NOL10: variants seen among roughly 807,000 people sequenced by gnomAD.
NOL10 encodes H_NH0074G24.1.
In NOL10, 58 loss-of-function variants were observed where a neutral mutation model predicts 103.5. The ratio of observed to expected loss-of-function variants is 0.56; its 90% CI spans 0.45 to 0.70. The LOEUF (loss-of-function observed/expected upper bound fraction) is 0.70. Ranked by LOEUF, NOL10 falls within the 30% of genes least tolerant of loss-of-function variation. The probability of loss-of-function intolerance (pLI) is 0.00; values close to 1 mark genes in which losing one functional copy is unlikely to be tolerated. For missense variants in NOL10, 763 were observed against 807.3 expected, an observed-to-expected ratio of 0.95 and a Z score of 0.67; for synonymous variants, 287 against 282.5, an observed-to-expected ratio of 1.02 and a Z score of -0.16.
chr2:10,646,682 G>A (rs1050867123), intron 12 of NOL10, among the ~76,000 whole-genome samples: 2 of 152,156 alleles, frequency 1.3e-5, no homozygotes, highest in African/African-American at 2.4e-5. Flanking sequence ...CATGAGCATC[G>A]CGCCAGGCAA....
chr2:10,670,025 A>T lies in NOL10; in HGVS notation c.465-1302T>A, dbSNP rs150383607. On this transcript the variant is annotated intron_variant, in intron 6 of 20. Transcript: ENST00000381685. The stretch of plus-strand genomic sequence containing the variant: ...CCCAGGAATTCAAGACCAGCCTGGG[A>T]AACATAGTGAGACCCCATCTTTATA... Among the ~76,000 whole-genome samples the T allele has an allele frequency of 5.2e-4, 79 of 152,096 alleles. 2 individuals carry two copies. In the East Asian group the frequency reaches 0.014, roughly 26 times the overall value.
In NOL10 at chr2:10,616,892, T is replaced by G. The variant is rs568883210; in HGVS notation, c.1027-9581A>C. ...CAGGTTGCCTAAGCTCCCTCCCCAT[T>G]CACTTATTCAACAAAGAGTTACCTC... On this transcript the variant is annotated intron_variant, in intron 13 of 20. Transcript: ENST00000381685. Among the ~76,000 whole-genome samples, 5 of 152,108 alleles carry G rather than the reference T, an allele frequency of 3.3e-5. No homozygotes were observed. The South Asian group carries it at 1.0e-3, about 32-fold the overall frequency.
chr2:10,687,751 C>T (rs929482562), intron 1 of NOL10, among the ~76,000 whole-genome samples: 1 of 152,066 alleles, frequency 6.6e-6, no homozygotes, highest in Non-Finnish European at 1.5e-5. Context: ...AAGATCAGAT[C>T]GAGACCATAC....
At chr2:10,682,492 C>T (rs967070780) in intron 2 of NOL10, among the ~76,000 whole-genome samples, 3 of 151,314 alleles carry the variant, frequency 2.0e-5, no homozygotes, top group African/African-American at 4.9e-5. Context: ...CTCAACCTCC[C>T]GGGCTGAAGC....
At chr2:10,686,296 G>A (rs1682196164) in intron 1 of NOL10, among the ~76,000 whole-genome samples, 1 of 152,188 alleles carries the variant, frequency 6.6e-6, no homozygotes, top group Non-Finnish European at 1.5e-5. Context: ...AAAGCCTGGA[G>A]AACATCTGGG....
In NOL10 at chr2:10,657,804, C is replaced by A; in HGVS notation, c.844G>T (p.Asp282Tyr). ...GLPIKSVHFQDSLDLILSADS... is the reference protein window; with the variant it reads ...GLPIKSVHFQYSLDLILSADS... ...GCAGACAAAATCAGATCTAATGAAT[C>A]CTGGAAATGAACGGACTTAATGGGC... The change falls in exon 11 of 21, where the codon GAT becomes TAT. Residue 282 changes from aspartate to tyrosine, a missense_variant. By Grantham distance (160) the Asp-to-Tyr change is radical. Coordinates refer to ENST00000381685, the MANE Select transcript of NOL10 (RefSeq NM_024894.4). 1 of 1,551,182 alleles carries A rather than the reference C, an allele frequency of 6.4e-7. No homozygotes were observed. The highest frequency in any genetic ancestry group is 8.7e-7 in the Non-Finnish European group (1 of 1,146,692).
chr2:10,677,897 ATATG>A (rs1015533121), intron 3 of NOL10, among the ~76,000 whole-genome samples: 9 of 151,726 alleles, frequency 5.9e-5, no homozygotes, highest in Middle Eastern at 3.4e-3. Flanking sequence ...GCGTGTGTAT[ATATG>A]TGTGTGTACA....
At chr2:10,584,708 T>C (rs988961529) in intron 19 of NOL10, among the ~76,000 whole-genome samples, 3 of 152,212 alleles carry the variant, frequency 2.0e-5, no homozygotes, top group African/African-American at 7.2e-5. Flanking sequence ...AAAAAGGATG[T>C]TTAACTTAGT....
rs117241121 is a variant in NOL10, at chr2:10,609,128, G to A, written c.1027-1817C>T. On this transcript the variant is annotated intron_variant, in intron 13 of 20. Transcript: ENST00000381685. ...TAAAGACACTGACCACAATCTCCCT[G>A]AAGAAGTTTAAAATCCAGCTGAAGC... Among the ~76,000 whole-genome samples the A allele has an allele frequency of 5.1e-4, 78 of 152,052 alleles. 2 individuals are homozygous for A. In the East Asian group the frequency reaches 0.014, roughly 26 times the overall value.
intron 2 of NOL10, among the ~76,000 whole-genome samples, chr2:10,682,919 G>A (rs1243681670): frequency 6.6e-6 from 1 of 151,958 alleles, no homozygotes; most frequent in African/African-American, 2.4e-5. Context: ...CAAGTAGCTG[G>A]GGCTACAGGC....
chr2:10,625,877 T>TA (rs1677429305), intron 13 of NOL10, among the ~76,000 whole-genome samples: 1 of 152,026 alleles, frequency 6.6e-6, no homozygotes, highest in African/African-American at 2.4e-5. Context: ...CATAATACAT[T>TA]AAAAAAATGT....
intron 4 of NOL10, among the ~76,000 whole-genome samples, chr2:10,675,232 G>T (rs1051701142): frequency 1.3e-4 from 20 of 151,988 alleles, no homozygotes; most frequent in Non-Finnish European, 2.8e-4. Context: ...ATAAAAGAAA[G>T]AAAAGAAATA....
intron 2 of NOL10, 105 bp from the exon 3 acceptor site, chr2:10,682,174 A>T (rs1681815291): frequency 2.4e-6 from 1 of 420,566 alleles, no homozygotes. Flanking sequence ...AAACAGGTGA[A>T]ATTCATCCCA....
At chr2:10,656,371 T>C (rs1436787899) in intron 11 of NOL10, among the ~76,000 whole-genome samples, 2 of 152,176 alleles carry the variant, frequency 1.3e-5, no homozygotes, top group African/African-American at 4.8e-5. Context: ...TGGGCAATCA[T>C]CAGGGCAATT....
chr2:10,645,489 G>A (rs933461258), intron 12 of NOL10, among the ~76,000 whole-genome samples: 2 of 151,010 alleles, frequency 1.3e-5, no homozygotes, highest in African/African-American at 4.9e-5. Context: ...GAGATGCTGA[G>A]TGAATAGAGT....
intron 11 of NOL10, 95 bp downstream of exon 11, chr2:10,657,647 C>T: frequency 9.2e-7 from 1 of 1,081,762 alleles, no homozygotes; most frequent in Non-Finnish European, 1.3e-6. Context: ...GTATCTCTTT[C>T]CCAATAACCC....
chr2:10,574,646 CAAA>C (rs145471806), intron 20 of NOL10, among the ~76,000 whole-genome samples: 8 of 116,518 alleles, frequency 6.9e-5, no homozygotes, highest in Admixed American at 8.9e-5. Flanking sequence ...GACTCTGTCT[CAAA>C]AAAAAAAAAA....
intron 12 of NOL10, among the ~76,000 whole-genome samples, chr2:10,650,051 C>A (rs1558321840): frequency 6.6e-6 from 1 of 152,168 alleles, no homozygotes; most frequent in Non-Finnish European, 1.5e-5. Context: ...AAATGCTACT[C>A]ATTAAGAATG....
rs201462244 is a variant in NOL10 at position 10,662,978 on chromosome 2, T to C, written c.658A>G (p.Ser220Gly). ...ACTTACTCTGAATCTGCTGTGACAC[T>C]GTTTAAGGCGCAGTCTAACAGGCCA... ...RVGLLDCALN[S>G]VTADSEINSL... The change falls in exon 9 of 21, where the codon AGT (serine) becomes GGT (glycine). Residue 220 changes from serine to glycine, a missense_variant. Transcript: ENST00000381685. 3.1e-4 allele frequency: 500 copies of C among 1,613,726 alleles called. 3 individuals are homozygous for C. The East Asian group carries it at 8.4e-3, about 27-fold the overall frequency.
Sources: gnomAD v4.1 joint callset for allele counts (sites outside exome capture counted in the v4.1 genomes callset) on GRCh38, gnomAD v4.1.1 for gene constraint, MANE v1.5 for transcripts, NCBI Gene and HGNC (gene_info 2026-07-23, HGNC 2026-07-21) for gene names.